The following PTPRK variants were observed in gnomAD, a reference collection of about 807,000 sequenced individuals.
PTPRK encodes the protein protein tyrosine phosphatase receptor type K.
Under a neutral mutation model 178.0 loss-of-function variants are expected in PTPRK, and 75 were observed. The ratio of observed to expected loss-of-function variants is 0.42; its 90% CI spans 0.35 to 0.51. The LOEUF is 0.51. Among genes scored for constraint, PTPRK ranks in the 20% least tolerant of loss-of-function variants. The probability of loss-of-function intolerance (pLI) is 0.02; values close to 1 mark genes in which losing one functional copy is unlikely to be tolerated. For missense variants in PTPRK, 1,441 were observed against 1,797.8 expected, an observed-to-expected ratio of 0.80 and a Z score of 3.59; for synonymous variants, 637 against 620.6, an observed-to-expected ratio of 1.03 and a Z score of -0.39.
intron 25 of PTPRK, among the ~76,000 whole-genome samples, chr6:127,980,777 T>TA (rs1334862498): frequency 6.6e-6 from 1 of 152,180 alleles, no homozygotes; most frequent in African/African-American, 2.4e-5. Context: ...TTCTGTGATT[T>TA]AAAAAATTCA....
chr6:128,168,493 G>A (rs1799737717), intron 7 of PTPRK, among the ~76,000 whole-genome samples: 1 of 152,056 alleles, frequency 6.6e-6, no homozygotes, highest in South Asian at 2.1e-4. Context: ...CTGGTCCACA[G>A]CCTGTTAGAA....
chr6:128,096,229 C>T (rs530618733), intron 7 of PTPRK, among the ~76,000 whole-genome samples: 5 of 151,926 alleles, frequency 3.3e-5, no homozygotes, highest in Admixed American at 1.3e-4. Flanking sequence ...ATGTTTAACC[C>T]AACTTGATAG....
chr6:128,237,271 G>A (rs2128281862), intron 5 of PTPRK, among the ~76,000 whole-genome samples: 1 of 152,282 alleles, frequency 6.6e-6, no homozygotes, highest in East Asian at 1.9e-4. Context: ...GACATATAAA[G>A]TTGATTGCCA....
chr6:128,162,833 T>G (rs1798885686), intron 7 of PTPRK, among the ~76,000 whole-genome samples: 1 of 151,578 alleles, frequency 6.6e-6, no homozygotes, highest in South Asian at 2.1e-4. Context: ...GGGTTTTCTG[T>G]TTTTCTATGT....
chr6:128,180,545 C>A (rs1583356280), intron 7 of PTPRK, among the ~76,000 whole-genome samples: 1 of 152,088 alleles, frequency 6.6e-6, no homozygotes, highest in East Asian at 1.9e-4. Context: ...AAGTCAGAGA[C>A]CCTGAAGCAA....
In PTPRK at chr6:128,520,458, G is replaced by A. The variant is rs1349555199; in HGVS notation, c.-100C>T. On this transcript the variant is annotated 5_prime_UTR_variant, in exon 1 of 30. Transcript: ENST00000368226. ...GAGCGGGCCGGGCCTCGCGGGGTGA[G>A]GACGGTGAGAGGACAGCCGCCCGCC... 8.5e-7 allele frequency: 1 copy of A among 1,181,902 alleles called. No homozygotes were observed. Among genetic ancestry groups the A allele is most frequent in the East Asian group, 2.6e-5 (1 of 38,716 alleles). The allele number at this position is 1,181,902 out of a possible 1,614,324, so 73.2% of individuals were successfully genotyped here.
rs573625757 is a variant in PTPRK, at chr6:128,009,680, G to A, written c.2195-412C>T. Among the ~76,000 whole-genome samples, 42 of 151,272 alleles carry A rather than the reference G, an allele frequency of 2.8e-4. 1 individual carries two copies. Among genetic ancestry groups the A allele is most frequent in the Admixed American group, 2.1e-3 (32 of 15,136 alleles). On this transcript the variant is annotated intron_variant, in intron 13 of 29. Coordinates refer to ENST00000368226, the MANE Select transcript of PTPRK (RefSeq NM_002844.4). ...CAGGTGGTATGCTTGGTGCTTTAAGGCAGTATTAATGGTACTTGTCTGGGA... is the reference window on the plus strand; with the variant it reads ...CAGGTGGTATGCTTGGTGCTTTAAGACAGTATTAATGGTACTTGTCTGGGA...
intron 6 of PTPRK, among the ~76,000 whole-genome samples, chr6:128,196,305 A>T (rs1804848642): frequency 6.6e-6 from 1 of 152,100 alleles, no homozygotes; most frequent in Non-Finnish European, 1.5e-5. Context: ...TCAATAATCA[A>T]AGTGCTATCA....
At chr6:128,425,951 A>G (rs1844082956) in intron 1 of PTPRK, among the ~76,000 whole-genome samples, 1 of 152,254 alleles carries the variant, frequency 6.6e-6, no homozygotes, top group African/African-American at 2.4e-5. Flanking sequence ...AAATAACATT[A>G]AATACTTTTT....
intron 1 of PTPRK, among the ~76,000 whole-genome samples, chr6:128,406,355 T>C (rs74397286): frequency 6.6e-6 from 1 of 152,202 alleles, no homozygotes; most frequent in Non-Finnish European, 1.5e-5. Context: ...TAGGTTAACA[T>C]AGAAGGCATA....
intron 2 of PTPRK, among the ~76,000 whole-genome samples, chr6:128,344,142 C>T (rs969935607): frequency 3.3e-5 from 5 of 152,172 alleles, no homozygotes; most frequent in African/African-American, 9.7e-5. Flanking sequence ...GCAATACTGC[C>T]TTGGTCTTCT....
At chr6:128,326,775 A>T (rs1439107624) in intron 2 of PTPRK, among the ~76,000 whole-genome samples, 1 of 152,146 alleles carries the variant, frequency 6.6e-6, no homozygotes, top group Non-Finnish European at 1.5e-5. Context: ...TTTTCAAAAA[A>T]GTTTTTGCAT....
intron 2 of PTPRK, among the ~76,000 whole-genome samples, chr6:128,344,978 T>C (rs948045491): frequency 3.3e-5 from 5 of 151,222 alleles, no homozygotes; most frequent in African/African-American, 1.2e-4. Context: ...AGAAGAAAAT[T>C]ATCCTGAATG....
chr6:128,430,936 T>TTTTC (rs1392905864), intron 1 of PTPRK, among the ~76,000 whole-genome samples: 92 of 151,286 alleles, frequency 6.1e-4, no homozygotes, highest in Non-Finnish European at 1.0e-3. Flanking sequence ...TTTTTAATTT[T>TTTTC]TTTCTTTTTT....
intron 7 of PTPRK, among the ~76,000 whole-genome samples, chr6:128,095,263 A>G (rs1275749999): frequency 1.3e-5 from 2 of 152,216 alleles, no homozygotes; most frequent in East Asian, 1.9e-4. Flanking sequence ...TTCATAAATT[A>G]TAACACACTT....
intron 6 of PTPRK, among the ~76,000 whole-genome samples, chr6:128,193,591 AT>A (rs1268857680): frequency 6.6e-6 from 1 of 152,098 alleles, no homozygotes; most frequent in Non-Finnish European, 1.5e-5. Context: ...TCAAGTCCCC[AT>A]GTGATATGTA....
chr6:128,199,809 T>C (rs1021209790), intron 6 of PTPRK, among the ~76,000 whole-genome samples: 7 of 152,232 alleles, frequency 4.6e-5, no homozygotes, highest in Non-Finnish European at 8.8e-5. Context: ...TGGGCGTCTA[T>C]GTTTTTCCTT....
At chr6:128,465,099 T>C (rs547402186) in intron 1 of PTPRK, among the ~76,000 whole-genome samples, 5 of 151,852 alleles carry the variant, frequency 3.3e-5, no homozygotes, top group African/African-American at 1.2e-4. Context: ...ACAAGAGCAG[T>C]TTGGTATGTT....
At chr6:128,512,224 G>A (rs2128443744) in intron 1 of PTPRK, among the ~76,000 whole-genome samples, 1 of 152,054 alleles carries the variant, frequency 6.6e-6, no homozygotes, top group East Asian at 1.9e-4. Flanking sequence ...AGTACATATG[G>A]AAATACACTG....
Sources: gnomAD v4.1 joint callset for allele counts (sites outside exome capture counted in the v4.1 genomes callset) on GRCh38, gnomAD v4.1.1 for gene constraint, MANE v1.5 for transcripts, NCBI Gene and HGNC (gene_info 2026-07-23, HGNC 2026-07-21) for gene names.